The following FCHSD2 variants were observed in gnomAD, a reference collection of about 807,000 sequenced individuals.
FCHSD2 encodes the protein FCH and double SH3 domains 2.
Under a neutral mutation model 108.1 loss-of-function variants are expected in FCHSD2, and 38 were observed. The ratio of observed to expected loss-of-function variants is 0.35; its 90% CI spans 0.27 to 0.46. FCHSD2 has a LOEUF of 0.46. Ranked by LOEUF, FCHSD2 falls within the 20% of genes least tolerant of loss-of-function variation. The pLI is 1.00. For synonymous variants in FCHSD2, 279 were observed against 314.7 expected, an observed-to-expected ratio of 0.89 and a Z score of 1.20; for missense variants, 751 against 897.8, an observed-to-expected ratio of 0.84 and a Z score of 2.09.
chr11:72,849,867 T>G lies in FCHSD2; in HGVS notation c.1331A>C (p.Glu444Ala). Residue 444 changes from glutamate (E) to alanine (A), a missense_variant, in exon 14 of 20, where the codon GAA (glutamate) becomes GCA (alanine). By Grantham distance (107) the Glu-to-Ala change is moderately radical. Coordinates refer to ENST00000409418, the MANE Select transcript of FCHSD2 (RefSeq NM_014824.3). ...LHSLNADTER[E>A]EGEEFEDNMD... ...GTTATCTTCAAACTCTTCGCCTTCT[T>G]CTCTTTCGGTATCTGCATTAAGCTA... is the stretch of plus-strand genomic sequence containing the variant. 6.2e-7 allele frequency: 1 copy of G among 1,613,596 alleles called. No individual in the cohort carries two copies. Among genetic ancestry groups the G allele is most frequent in the Non-Finnish European group, 8.5e-7 (1 of 1,179,592 alleles).
At chr11:72,867,714 A>T (rs1854759842) in intron 13 of FCHSD2, 151 bp downstream of exon 13, 2 of 617,906 alleles carry the variant, frequency 3.2e-6, no homozygotes, top group Non-Finnish European at 5.5e-6. Context: ...AATAATTTTA[A>T]ATCAATTAGT....
intron 4 of FCHSD2, among the ~76,000 whole-genome samples, chr11:73,012,075 C>G (rs1857875917): frequency 1.3e-5 from 2 of 152,140 alleles, no homozygotes; most frequent in Admixed American, 6.5e-5. Flanking sequence ...TACTTATGTT[C>G]ATACAGAACT....
chr11:72,893,226 T>C (rs1207749702), intron 10 of FCHSD2, among the ~76,000 whole-genome samples: 1 of 152,034 alleles, frequency 6.6e-6, no homozygotes, highest in Non-Finnish European at 1.5e-5. Context: ...GGTCTCGAAC[T>C]CCTGTCCTCA....
intron 3 of FCHSD2, among the ~76,000 whole-genome samples, chr11:73,037,203 C>T (rs1227374896): frequency 6.6e-6 from 1 of 152,140 alleles, no homozygotes. Context: ...CACTTGCCCC[C>T]ACACATGCAT....
rs549059424 is a variant in FCHSD2 at position 73,139,933 on chromosome 11, C to G, written c.119+98G>C. 1.8e-4 allele frequency: 116 copies of G among 644,182 alleles called. 1 individual carries two copies. The highest frequency in any genetic ancestry group is 2.1e-4 in the Non-Finnish European group (80 of 389,166). The allele number at this position is 644,182 out of a possible 1,614,324, so 39.9% of individuals were successfully genotyped here. A position where few individuals can be genotyped will look rare whatever the true frequency, so the allele number is the denominator to read the frequency against. ...TCTAACAGCCTTAAAGCAGGAAATC[C>G]AAAAGGAAATTCCATCATCAGTTCC... On this transcript the variant is annotated intron_variant, in intron 2 of 19. Transcript: ENST00000409418.
At chr11:73,097,308 G>T (rs1412841418) in intron 2 of FCHSD2, among the ~76,000 whole-genome samples, 3 of 151,212 alleles carry the variant, frequency 2.0e-5, no homozygotes, top group African/African-American at 7.3e-5. Context: ...ACTTGGTCGT[G>T]GTGGATAATC....
chr11:72,991,978 T>C (rs1464031344), intron 5 of FCHSD2, among the ~76,000 whole-genome samples: 5 of 152,228 alleles, frequency 3.3e-5, no homozygotes, highest in Non-Finnish European at 7.3e-5. Context: ...ATTGTCCCTG[T>C]TTGTAGATGA....
chr11:72,842,545 T>C, intron 17 of FCHSD2, 76 bp downstream of exon 17: 2 of 1,575,286 alleles, frequency 1.3e-6, no homozygotes, highest in Non-Finnish European at 1.7e-6. Context: ...AGCCCACTTT[T>C]GTGTGGATCC....
At chr11:73,079,916 C>T (rs1859641570) in intron 3 of FCHSD2, among the ~76,000 whole-genome samples, 1 of 151,950 alleles carries the variant, frequency 6.6e-6, no homozygotes, top group Non-Finnish European at 1.5e-5. Context: ...TTTAAAAATG[C>T]ATTATTAGAT....
At chr11:72,883,866 G>A (rs992797754) in intron 12 of FCHSD2, among the ~76,000 whole-genome samples, 1 of 151,698 alleles carries the variant, frequency 6.6e-6, no homozygotes, top group Non-Finnish European at 1.5e-5. Flanking sequence ...CAGGAGGTTC[G>A]GGCGGCAGTG....
chr11:73,090,222 T>C (rs1039919291), intron 2 of FCHSD2, among the ~76,000 whole-genome samples: 1 of 131,514 alleles, frequency 7.6e-6, no homozygotes, highest in Non-Finnish European at 1.6e-5. Context: ...AATACTTCTT[T>C]TTTTTTTTTT....
chr11:73,061,290 G>T (rs528805420), intron 3 of FCHSD2, among the ~76,000 whole-genome samples: 3 of 152,220 alleles, frequency 2.0e-5, no homozygotes, highest in Non-Finnish European at 4.4e-5. Context: ...TGTGCTTGTC[G>T]CATGGTTTTC....
intron 2 of FCHSD2, among the ~76,000 whole-genome samples, chr11:73,136,183 G>A (rs1301209876): frequency 2.7e-5 from 4 of 147,272 alleles, no homozygotes; most frequent in Admixed American, 6.8e-5. Context: ...AAAAAAGAAA[G>A]AAAAAAGAAG....
chr11:73,051,588 C>T (rs1020580438), intron 3 of FCHSD2, among the ~76,000 whole-genome samples: 6 of 151,970 alleles, frequency 3.9e-5, no homozygotes, highest in South Asian at 2.1e-4. Flanking sequence ...TAAAGACCAA[C>T]GACTTTATAC....
At chr11:72,967,591 T>C (rs969980922) in intron 8 of FCHSD2, among the ~76,000 whole-genome samples, 1 of 152,146 alleles carries the variant, frequency 6.6e-6, no homozygotes, top group African/African-American at 2.4e-5. Context: ...AGCAGATTAG[T>C]GGTTGCCAGG....
intron 4 of FCHSD2, among the ~76,000 whole-genome samples, chr11:73,006,896 T>G (rs1255816444): frequency 6.6e-6 from 1 of 152,206 alleles, no homozygotes; most frequent in East Asian, 1.9e-4. Context: ...AGCCTAGATT[T>G]GAAACCAAAT....
At position 72,849,891 on chromosome 11, in the gene FCHSD2, T is replaced by C. The variant is rs1319855048; in HGVS notation, c.1309-2A>G. 1 of 1,605,976 alleles carries C rather than the reference T, an allele frequency of 6.2e-7. No individual in the cohort carries two copies. The highest frequency in any genetic ancestry group is 2.2e-5 in the East Asian group (1 of 44,806). ...TTCTCTTTCGGTATCTGCATTAAGC[T>C]AAGAAAAATTAGAAACCATTGGCTA... is the stretch of plus-strand genomic sequence containing the variant. On this transcript the variant is annotated splice_acceptor_variant, in intron 13 of 19. Transcript: ENST00000409418. LOFTEE classifies it high-confidence loss of function.
chr11:73,003,587 C>T (rs1187226593), intron 4 of FCHSD2, among the ~76,000 whole-genome samples: 5 of 149,480 alleles, frequency 3.3e-5, no homozygotes, highest in Admixed American at 6.6e-5. Flanking sequence ...CCCGGGTTCA[C>T]GCCATTCTCC....
chr11:72,851,582 A>G (rs951125155), intron 13 of FCHSD2, among the ~76,000 whole-genome samples: 1 of 152,054 alleles, frequency 6.6e-6, no homozygotes, highest in African/African-American at 2.4e-5. Context: ...CTATTAACAA[A>G]AAAACAAAAA....
Sources: allele counts gnomAD v4.1 joint callset (sites outside exome capture counted in the v4.1 genomes callset), GRCh38; gene constraint gnomAD v4.1.1; transcripts MANE v1.5; gene names NCBI Gene and HGNC (gene_info 2026-07-23, HGNC 2026-07-21).